The following ADARB2 variants were observed in gnomAD, a reference collection of about 807,000 sequenced individuals.
The protein encoded by ADARB2 is adenosine deaminase RNA specific B2 (inactive), also known as inactive double-stranded RNA-specific editase B2.
A neutral mutation model predicts 62.2 loss-of-function variants in ADARB2; 25 were observed. The ratio of observed to expected loss-of-function variants is 0.40; its 90% confidence interval spans 0.29 to 0.56. ADARB2 has a LOEUF of 0.56. Ranked by LOEUF, ADARB2 falls within the 20% of genes least tolerant of loss-of-function variation. The pLI is 0.43. For missense variants in ADARB2, 1,071 were observed against 1,077.4 expected (o/e 0.99, Z 0.08); for synonymous variants, 572 against 500.8 (o/e 1.14, Z -1.90).
At chr10:1,272,775 G>A (rs1230960109) in intron 3 of ADARB2, among the ~76,000 whole-genome samples, 2 of 152,238 alleles carry the variant, frequency 1.3e-5, no homozygotes, top group Non-Finnish European at 2.9e-5. Context: ...GGAAACCTGT[G>A]TCCTGGACAC....
In ADARB2 at chr10:1,413,208, C is replaced by T. The variant is rs771890424; in HGVS notation, c.101-34048G>A. Among the ~76,000 whole-genome samples the T allele has an allele frequency of 1.3e-3, 201 of 152,236 alleles. 1 individual carries two copies. The highest frequency in any genetic ancestry group is 1.2e-3 in the Non-Finnish European group (85 of 68,010). Reference sequence around the variant, plus strand: ...GTTGTTGTATGGTGAGGGCGCAGGGCCCAGCCAGGGCAGCAGGGGTCCCAG... The same window carrying T: ...GTTGTTGTATGGTGAGGGCGCAGGGTCCAGCCAGGGCAGCAGGGGTCCCAG... On this transcript the variant is annotated intron_variant, in intron 1 of 9. Coordinates refer to ENST00000381312, the MANE Select transcript of ADARB2 (RefSeq NM_018702.4).
At position 1,179,646 on chromosome 10, in the gene ADARB2, G is replaced by A. The variant is rs530096923; in HGVS notation, c.*3547C>T. On this transcript the variant is annotated 3_prime_UTR_variant, in exon 10 of 10. Transcript: ENST00000381312. ...CATTGCTGATCTTCCTGATGGGAAA[G>A]CAGTGTGTGTTTTGGAGGCAGATAA... 1 of 152,368 alleles carries A rather than the reference G, an allele frequency of 6.6e-6. No homozygotes were observed. The highest frequency in any genetic ancestry group is 2.1e-4 in the South Asian group (1 of 4,830). 9.4% of individuals were successfully genotyped at this position (152,368 alleles called of 1,614,324 possible). A position where few individuals can be genotyped will look rare whatever the true frequency, so the allele number is the denominator to read the frequency against.
At position 1,702,054 on chromosome 10, in the gene ADARB2, C is replaced by T. The variant is rs1226461397; in HGVS notation, c.100+34997G>A. ...GAGAGAGAGTCATGCTCAGAGTTCACCTGCTGATGTAGAAGCCCTGATTGG... is the reference window on the plus strand; with the variant it reads ...GAGAGAGAGTCATGCTCAGAGTTCATCTGCTGATGTAGAAGCCCTGATTGG... On this transcript the variant is annotated intron_variant, in intron 1 of 9. Transcript: ENST00000381312. Among the ~76,000 whole-genome samples, 5 of 152,346 alleles carry T rather than the reference C, an allele frequency of 3.3e-5. No homozygotes were observed. In the East Asian group the frequency reaches 5.8e-4, roughly 18 times the overall value.
chr10:1,653,385 G>A (rs1371740832), intron 1 of ADARB2, among the ~76,000 whole-genome samples: 4 of 152,178 alleles, frequency 2.6e-5, no homozygotes, highest in African/African-American at 9.7e-5. Flanking sequence ...GACAGTCCAG[G>A]GGCATGAAGA....
chr10:1,698,994 C>A (rs1834784821), intron 1 of ADARB2, among the ~76,000 whole-genome samples: 1 of 152,216 alleles, frequency 6.6e-6, no homozygotes, highest in Non-Finnish European at 1.5e-5. Context: ...CTCCTGACCT[C>A]AACTTATACA....
chr10:1,393,124 C>A (rs753075310), intron 1 of ADARB2, among the ~76,000 whole-genome samples: 1 of 152,184 alleles, frequency 6.6e-6, no homozygotes, highest in Non-Finnish European at 1.5e-5. Flanking sequence ...AGCAACTAGT[C>A]GCACAGCCAA....
intron 1 of ADARB2, among the ~76,000 whole-genome samples, chr10:1,572,422 A>C (rs996865471): frequency 6.6e-6 from 1 of 152,104 alleles, no homozygotes; most frequent in Non-Finnish European, 1.5e-5. Context: ...GGAAGATAAA[A>C]ATGGCTGCAG....
chr10:1,462,047 T>TAA lies in ADARB2; in HGVS notation c.101-82888_101-82887insTT, dbSNP rs1588266929. Among the ~76,000 whole-genome samples the TAA allele has an allele frequency of 2.0e-5, 3 of 152,338 alleles. No individual in the cohort carries two copies. In the East Asian group the frequency reaches 5.8e-4, roughly 29 times the overall value. ...AATTATTAAAAGTTGTTTTAATAAT[T>TAA]ACTTTGCCATCAGGTTCTATTTTCC... On this transcript the variant is annotated intron_variant, in intron 1 of 9. Transcript: ENST00000381312.
At position 1,276,634 on chromosome 10, in the gene ADARB2, T is replaced by TAA. The variant is rs563959441; in HGVS notation, c.1078-5566_1078-5565insTT. On this transcript the variant is annotated intron_variant, in intron 3 of 9. Transcript: ENST00000381312. Reference sequence around the variant, plus strand: ...GTCCTTAGAGACCTACGAAAAGACTTAGACTCCCAAACAATAATAACGGGA... The same window carrying TAA: ...GTCCTTAGAGACCTACGAAAAGACTTAAAGACTCCCAAACAATAATAACGGGA... Among the ~76,000 whole-genome samples the TAA allele has an allele frequency of 6.5e-4, 99 of 152,320 alleles. No homozygotes were observed. In the Middle Eastern group the frequency reaches 0.01, roughly 16 times the overall value.
At chr10:1,385,720 A>G (rs764588308) in intron 1 of ADARB2, among the ~76,000 whole-genome samples, 1 of 152,178 alleles carries the variant, frequency 6.6e-6, no homozygotes, top group Non-Finnish European at 1.5e-5. Context: ...GGTAGAAAAT[A>G]TACTTTAAAT....
chr10:1,470,256 G>A (rs1831303832), intron 1 of ADARB2, among the ~76,000 whole-genome samples: 1 of 152,198 alleles, frequency 6.6e-6, no homozygotes, highest in Non-Finnish European at 1.5e-5. Flanking sequence ...TTCAATACAA[G>A]TGCCTTCGAG....
chr10:1,271,647 C>T (rs1264285575), intron 3 of ADARB2, among the ~76,000 whole-genome samples: 2 of 152,190 alleles, frequency 1.3e-5, no homozygotes, highest in African/African-American at 2.4e-5. Context: ...CACACAGACA[C>T]ACACATACAC....
At chr10:1,435,499 G>C (rs532998604) in intron 1 of ADARB2, among the ~76,000 whole-genome samples, 1 of 151,350 alleles carries the variant, frequency 6.6e-6, no homozygotes, top group Admixed American at 6.6e-5. Flanking sequence ...CCATTAACGA[G>C]GGGGCCTGTG....
intron 4 of ADARB2, among the ~76,000 whole-genome samples, chr10:1,261,388 T>G (rs975175954): frequency 1.5e-4 from 22 of 147,076 alleles, no homozygotes; most frequent in South Asian, 2.2e-4. Context: ...GGGAGAAAAT[T>G]TTCGCAACCT....
At chr10:1,220,797 T>A (rs1358501165) in intron 6 of ADARB2, among the ~76,000 whole-genome samples, 2 of 152,222 alleles carry the variant, frequency 1.3e-5, no homozygotes, top group African/African-American at 4.8e-5. Context: ...CAACTAACTT[T>A]CCATGAAGTA....
chr10:1,283,600 T>C (rs1316371286), intron 3 of ADARB2, among the ~76,000 whole-genome samples: 2 of 152,222 alleles, frequency 1.3e-5, no homozygotes, highest in East Asian at 1.9e-4. Flanking sequence ...ATATGGCCTG[T>C]GTCCTTCATG....
chr10:1,273,193 G>GCTA (rs59011326), intron 3 of ADARB2, among the ~76,000 whole-genome samples: 55,762 of 151,970 alleles, frequency 0.37, 10,429 homozygotes, highest in South Asian at 0.53. Flanking sequence ...TCTTTCTGGG[G>GCTA]CTGTTCAACC....
intron 1 of ADARB2, among the ~76,000 whole-genome samples, chr10:1,692,058 A>G (rs961133179): frequency 7.9e-5 from 12 of 152,358 alleles, no homozygotes; most frequent in African/African-American, 2.9e-4. Context: ...TTAGGGCTCA[A>G]TAAACAGAAT....
chr10:1,507,844 C>T (rs1002511280), intron 1 of ADARB2, among the ~76,000 whole-genome samples: 10 of 152,184 alleles, frequency 6.6e-5, no homozygotes, highest in African/African-American at 2.4e-4. Flanking sequence ...GCCAGCCCTC[C>T]CAGTCCTGGA....
Sources: allele counts gnomAD v4.1 joint callset (sites outside exome capture counted in the v4.1 genomes callset), GRCh38; gene constraint gnomAD v4.1.1; transcripts MANE v1.5; gene names NCBI Gene and HGNC (gene_info 2026-07-23, HGNC 2026-07-21).